Variants in NRXN1 observed in about 807,000 individuals in gnomAD.
NRXN1 encodes the protein neurexin 1.
A neutral mutation model predicts 150.9 loss-of-function variants in NRXN1; 39 were observed. That is an observed-to-expected ratio of 0.26 (90% CI 0.20 to 0.34). The LOEUF (loss-of-function observed/expected upper bound fraction) is 0.34, where lower values mean the gene tolerates loss of function less well. Ranked by LOEUF, NRXN1 falls within the 10% of genes least tolerant of loss-of-function variation. NRXN1 has a pLI of 1.00. For missense variants in NRXN1, 1,815 were observed against 1,949.9 expected (o/e 0.93, Z 1.30); for synonymous variants, 924 against 757.0 (o/e 1.22, Z -3.62).
At chr2:50,623,236 G>T in intron 6 of NRXN1, 78 bp downstream of exon 6, 1 of 1,148,754 alleles carries the variant, frequency 8.7e-7, no homozygotes, top group Non-Finnish European at 1.3e-6. Context: ...GTATCATGTT[G>T]TTAGAGTATT....
chr2:49,991,886 G>C (rs996578368), intron 21 of NRXN1, among the ~76,000 whole-genome samples: 3 of 152,122 alleles, frequency 2.0e-5, no homozygotes, highest in Non-Finnish European at 4.4e-5. Flanking sequence ...ATTAATGAAG[G>C]AATAGGCAAA....
In NRXN1 at chr2:50,465,433, G is replaced by C; in HGVS notation, c.3364+9C>G. On this transcript the variant is annotated intron_variant, in intron 17 of 22. Coordinates refer to ENST00000401669, the MANE Select transcript of NRXN1 (RefSeq NM_001330078.2). ...ATGAGTATCAGTCCATACTCAGAGA[G>C]GTACTTACGGTCATTGCAGAGTGGT... 1 of 1,604,398 alleles carries C rather than the reference G, an allele frequency of 6.2e-7. No individual in the cohort carries two copies.
chr2:50,468,820 T>C (rs980042276), intron 16 of NRXN1, among the ~76,000 whole-genome samples: 3 of 151,516 alleles, frequency 2.0e-5, no homozygotes, highest in African/African-American at 7.3e-5. Flanking sequence ...AGAGTCTTGA[T>C]GATTTAATGA....
At chr2:50,721,895 GC>G (rs1416947124) in intron 5 of NRXN1, among the ~76,000 whole-genome samples, 1 of 151,998 alleles carries the variant, frequency 6.6e-6, no homozygotes, top group Admixed American at 6.6e-5. Flanking sequence ...GAGTAGCAGA[GC>G]TGAAATTAAA....
intron 2 of NRXN1, among the ~76,000 whole-genome samples, chr2:50,974,917 A>G (rs1331451774): frequency 6.6e-6 from 1 of 151,938 alleles, no homozygotes; most frequent in African/African-American, 2.4e-5. Context: ...CTTCCATTGT[A>G]TTTCATTTCA....
chr2:50,887,516 G>A (rs1174588633), intron 5 of NRXN1, among the ~76,000 whole-genome samples: 1 of 151,374 alleles, frequency 6.6e-6, no homozygotes, highest in Non-Finnish European at 1.5e-5. Flanking sequence ...GAAGCTTTGA[G>A]AAAATGGCTC....
At chr2:50,996,565 T>G (rs1558556893) in intron 2 of NRXN1, among the ~76,000 whole-genome samples, 2 of 152,160 alleles carry the variant, frequency 1.3e-5, no homozygotes, top group African/African-American at 2.4e-5. Context: ...AAATCTTGAG[T>G]TGACATCCCA....
intron 21 of NRXN1, among the ~76,000 whole-genome samples, chr2:50,026,790 C>T (rs1688351375): frequency 6.8e-6 from 1 of 148,118 alleles, no homozygotes; most frequent in East Asian, 2.1e-4. Context: ...TTGAGAGCAA[C>T]TCACAGAAAT....
At chr2:50,777,137 C>T (rs1354474709) in intron 5 of NRXN1, among the ~76,000 whole-genome samples, 2 of 151,902 alleles carry the variant, frequency 1.3e-5, no homozygotes, top group Non-Finnish European at 2.9e-5. Context: ...TGAATATTTG[C>T]TTTTTTAAGT....
intron 17 of NRXN1, among the ~76,000 whole-genome samples, chr2:50,428,729 A>T (rs946804377): frequency 2.0e-5 from 3 of 152,206 alleles, no homozygotes; most frequent in Non-Finnish European, 4.4e-5. Flanking sequence ...AACAACAGAT[A>T]ACGATAGACC....
intron 18 of NRXN1, among the ~76,000 whole-genome samples, chr2:50,141,107 A>G (rs984578436): frequency 4.6e-5 from 7 of 152,190 alleles, no homozygotes; most frequent in African/African-American, 1.4e-4. Context: ...GAATGGCAAC[A>G]AGTAAGACGT....
intron 12 of NRXN1, among the ~76,000 whole-genome samples, chr2:50,526,967 T>C (rs2092968606): frequency 6.6e-6 from 1 of 152,250 alleles, no homozygotes; most frequent in East Asian, 1.9e-4. Context: ...CTAACAAGGG[T>C]AATTATACTA....
chr2:50,533,745 A>C (rs1274231147), intron 10 of NRXN1, among the ~76,000 whole-genome samples: 1 of 152,074 alleles, frequency 6.6e-6, no homozygotes, highest in Non-Finnish European at 1.5e-5. Flanking sequence ...TGAGCTCCAG[A>C]TACACCAATT....
intron 17 of NRXN1, among the ~76,000 whole-genome samples, chr2:50,242,854 A>G (rs968790395): frequency 2.0e-4 from 31 of 151,740 alleles, no homozygotes; most frequent in African/African-American, 7.5e-4. Flanking sequence ...CACATCTTTG[A>G]GAAAGAGAAT....
chr2:50,552,965 GA>G lies in NRXN1; in HGVS notation c.1380del (p.Pro461LeufsTer3). 6.2e-7 allele frequency: 1 copy of G among 1,613,606 alleles called. No homozygotes were observed. Among genetic ancestry groups the G allele is most frequent in the Non-Finnish European group, 8.5e-7 (1 of 1,179,676 alleles). On this transcript the variant is annotated frameshift_variant, in exon 9 of 23. Transcript: ENST00000401669. LOFTEE classifies it high-confidence loss of function. The part of the protein sequence containing the change: ...LELSRLAKQG[D>X]PKMKIHGVVA... ...ACCACTCCATGGATCTTCATCTTAGGATCTCCTTGCTTGGCAAGTCGAGATA... is the reference window on the plus strand; with the variant it reads ...ACCACTCCATGGATCTTCATCTTAGGTCTCCTTGCTTGGCAAGTCGAGATA...
At chr2:50,994,440 A>G (rs1204269735) in intron 2 of NRXN1, among the ~76,000 whole-genome samples, 1 of 152,074 alleles carries the variant, frequency 6.6e-6, no homozygotes, top group Non-Finnish European at 1.5e-5. Context: ...TCAGCTTTGC[A>G]TAAGTCCCTA....
intron 8 of NRXN1, among the ~76,000 whole-genome samples, chr2:50,612,925 G>A (rs1345846763): frequency 6.6e-6 from 1 of 152,126 alleles, no homozygotes; most frequent in Non-Finnish European, 1.5e-5. Context: ...GGAGGCAAGG[G>A]TAATCGACCT....
chr2:50,219,935 AT>A (rs67145497), intron 18 of NRXN1, among the ~76,000 whole-genome samples: 26 of 30,600 alleles, frequency 8.5e-4, no homozygotes, highest in African/African-American at 2.6e-3. Context: ...TATTATATAT[AT>A]TATATATTAT....
intron 12 of NRXN1, among the ~76,000 whole-genome samples, chr2:50,511,216 A>G (rs2092441197): frequency 6.6e-6 from 1 of 152,138 alleles, no homozygotes; most frequent in South Asian, 2.1e-4. Context: ...ACCCACTACC[A>G]TGCCCAGCTA....
Sources: allele counts gnomAD v4.1 joint callset (sites outside exome capture counted in the v4.1 genomes callset), GRCh38; gene constraint gnomAD v4.1.1; transcripts MANE v1.5; gene names NCBI Gene and HGNC (gene_info 2026-07-23, HGNC 2026-07-21).